The following COLQ variants were observed in gnomAD, a reference collection of about 807,000 sequenced individuals.
The protein encoded by COLQ is acetylcholinesterase collagenic tail peptide.
COLQ carries 48 observed loss-of-function variants against 69.0 expected under a neutral mutation model. The observed-to-expected ratio is 0.70, with a 90% CI of 0.55 to 0.88. The LOEUF (loss-of-function observed/expected upper bound fraction) is 0.88, where lower values mean the gene tolerates loss of function less well. Ranked by LOEUF, COLQ falls within the 40% of genes least tolerant of loss-of-function variation. The pLI, the probability that COLQ is intolerant of heterozygous loss-of-function variation, is 0.00. For synonymous variants in COLQ, 217 were observed against 211.2 expected, an observed-to-expected ratio of 1.03 and a Z score of -0.24; for missense variants, 618 against 594.6, an observed-to-expected ratio of 1.04 and a Z score of -0.41.
intron 11 of COLQ, among the ~76,000 whole-genome samples, chr3:15,467,427 G>A (rs1008429312): frequency 6.6e-6 from 1 of 152,224 alleles, no homozygotes; most frequent in Non-Finnish European, 1.5e-5. Context: ...TGTGGGGCAA[G>A]CCAATTATCA....
At chr3:15,495,521 G>A (rs1268173302) in intron 1 of COLQ, among the ~76,000 whole-genome samples, 1 of 152,176 alleles carries the variant, frequency 6.6e-6, no homozygotes, top group African/African-American at 2.4e-5. Context: ...TTACTTTTGT[G>A]GTTGGATGAT....
chr3:15,461,493 G>A (rs568821980), intron 12 of COLQ, among the ~76,000 whole-genome samples: 2 of 152,108 alleles, frequency 1.3e-5, no homozygotes, highest in African/African-American at 2.4e-5. Flanking sequence ...GGGTTTCATC[G>A]CCACCCCCTG....
Position 15,456,553 on chromosome 3 carries a change from C to A in COLQ, c.981G>T (p.Glu327Asp). The A allele has an allele frequency of 1.1e-5, 18 of 1,614,134 alleles. No homozygotes were observed. Among genetic ancestry groups the A allele is most frequent in the Non-Finnish European group, 1.5e-5 (18 of 1,180,012 alleles). ...PVIFVVNNQE[E>D]LERLNTQNAI... ...CGTTTTGGGTGTTCAGCCTCTCAAG[C>A]TCCTCCTGGTTGTTGACCACAAAAA... is the stretch of plus-strand genomic sequence containing the variant. The change falls in exon 14 of 17, where the codon GAG becomes GAT. Residue 327 changes from glutamate (E) to aspartate (D), a missense_variant. By Grantham distance (45) the Glu-to-Asp change is conservative (BLOSUM62 2). Coordinates refer to ENST00000383788, the MANE Select transcript of COLQ (RefSeq NM_005677.4).
chr3:15,519,046 A>G (rs2063100741), intron 1 of COLQ, among the ~76,000 whole-genome samples: 1 of 152,096 alleles, frequency 6.6e-6, no homozygotes, highest in Non-Finnish European at 1.5e-5. Flanking sequence ...CATTTTTTTA[A>G]AGCTTAAGTT....
At chr3:15,474,167 G>C in intron 9 of COLQ, 61 bp downstream of exon 9, 1 of 1,599,646 alleles carries the variant, frequency 6.3e-7, no homozygotes, top group Non-Finnish European at 8.6e-7. Flanking sequence ...GGATGGGGGT[G>C]GGTGGGGGCT....
intron 10 of COLQ, 61 bp from the exon 11 acceptor site, chr3:15,470,677 A>C: frequency 1.4e-6 from 2 of 1,475,226 alleles, no homozygotes; most frequent in African/African-American, 1.4e-5. Context: ...GCACATCTAC[A>C]CAGGTCTAGC....
rs527273422 is a variant in COLQ, at chr3:15,508,080, T to C, written c.106+13440A>G. 2.1e-4 allele frequency among the ~76,000 whole-genome samples: 32 copies of C among 152,314 alleles called. No individual in the cohort carries two copies. In the South Asian group the frequency reaches 6.4e-3, roughly 31 times the overall value. ...ATGTATAATTATTTTCTTTTATGGTTTCTGGGTTTTTCCAAACACCCAAGT... is the reference window on the plus strand; with the variant it reads ...ATGTATAATTATTTTCTTTTATGGTCTCTGGGTTTTTCCAAACACCCAAGT... On this transcript the variant is annotated intron_variant, in intron 1 of 16. Transcript: ENST00000383788.
chr3:15,483,874 C>T (rs910177048), intron 3 of COLQ, among the ~76,000 whole-genome samples: 94 of 152,184 alleles, frequency 6.2e-4, no homozygotes, highest in African/African-American at 1.7e-3. Context: ...CTCTAAGGAC[C>T]TGCTTTATGA....
At chr3:15,521,422 T>G (rs900399285) in intron 1 of COLQ, 98 bp downstream of exon 1, 13 of 1,515,612 alleles carry the variant, frequency 8.6e-6, no homozygotes, top group Non-Finnish European at 1.1e-5. Context: ...CACCAACAGT[T>G]GAATGGCAAA....
chr3:15,459,327 T>C (rs2125090880), intron 12 of COLQ, among the ~76,000 whole-genome samples: 1 of 152,208 alleles, frequency 6.6e-6, no homozygotes, highest in East Asian at 1.9e-4. Flanking sequence ...ACTGTGAGGG[T>C]AGTACCTTGG....
At chr3:15,488,179 G>C (rs73146167) in intron 3 of COLQ, 27 bp downstream of exon 3, 1 of 1,540,128 alleles carries the variant, frequency 6.5e-7, no homozygotes, top group East Asian at 2.2e-5. Flanking sequence ...AGAAGACAGC[G>C]AGAGGGGTCC....
chr3:15,461,198 G>GCC (rs1424356885), intron 12 of COLQ, among the ~76,000 whole-genome samples: 5 of 145,354 alleles, frequency 3.4e-5, no homozygotes, highest in Non-Finnish European at 6.1e-5. Context: ...TTCCCCCCCC[G>GCC]ACCTCTTAGC....
At chr3:15,490,614 C>T (rs1297276692) in intron 1 of COLQ, among the ~76,000 whole-genome samples, 1 of 152,252 alleles carries the variant, frequency 6.6e-6, no homozygotes, top group Non-Finnish European at 1.5e-5. Context: ...TAGTGTCCCA[C>T]TGAGTGACTA....
At chr3:15,500,689 GTCTT>G (rs2062818339) in intron 1 of COLQ, among the ~76,000 whole-genome samples, 2 of 152,032 alleles carry the variant, frequency 1.3e-5, no homozygotes, top group African/African-American at 2.4e-5. Context: ...TTCTGTCTCT[GTCTT>G]TCTCTGTCTC....
In COLQ at chr3:15,505,127, C is replaced by T. The variant is rs540296290; in HGVS notation, c.107-15490G>A. On this transcript the variant is annotated intron_variant, in intron 1 of 16. Transcript: ENST00000383788. ...GGATTAGGGTTGGGAGTAGGTCAGCCCAACTCCCTTGTTGGCAAATGTCTA... is the reference window on the plus strand; with the variant it reads ...GGATTAGGGTTGGGAGTAGGTCAGCTCAACTCCCTTGTTGGCAAATGTCTA... Among the ~76,000 whole-genome samples the T allele has an allele frequency of 9.9e-5, 15 of 152,252 alleles. No homozygotes were observed. In the South Asian group the frequency reaches 2.5e-3, roughly 25 times the overall value.
chr3:15,521,639 T>A lies in COLQ; in HGVS notation c.-14A>T, dbSNP rs1270802111. 6.2e-7 allele frequency: 1 copy of A among 1,614,098 alleles called. No individual in the cohort carries two copies. Among genetic ancestry groups the A allele is most frequent in the Non-Finnish European group, 8.5e-7 (1 of 1,180,026 alleles). Reference sequence around the variant, plus strand: ...CAGGACAACCATGCTGGCCAGGGTCTGGCGAGGGTCAAGTTAGAAAGGAGG... The same window carrying A: ...CAGGACAACCATGCTGGCCAGGGTCAGGCGAGGGTCAAGTTAGAAAGGAGG... On this transcript the variant is annotated 5_prime_UTR_variant, in exon 1 of 17. Transcript: ENST00000383788.
rs1284407532 is a variant in COLQ, at chr3:15,498,896, T to C, written c.107-9259A>G. 6 of 1,317,176 alleles carry C rather than the reference T, an allele frequency of 4.6e-6. No individual in the cohort carries two copies. In the Admixed American group the frequency reaches 1.9e-4, roughly 42 times the overall value. The allele number at this position is 1,317,176 out of a possible 1,614,324, so 81.6% of individuals were successfully genotyped here. On this transcript the variant is annotated intron_variant, in intron 1 of 16. Transcript: ENST00000383788. ...ATGAGGTTGGGAGCCCAGGGATACT[T>C]ATCCCCCTGCAAGCCAAGAGGAAAT...
chr3:15,479,676 C>T (rs2062443443), intron 3 of COLQ, among the ~76,000 whole-genome samples: 1 of 152,150 alleles, frequency 6.6e-6, no homozygotes, highest in African/African-American at 2.4e-5. Flanking sequence ...TAAAACATCC[C>T]AAGTGCTTGT....
intron 16 of COLQ, among the ~76,000 whole-genome samples, chr3:15,452,542 G>A (rs147954549): frequency 3.9e-5 from 6 of 152,208 alleles, no homozygotes; most frequent in Non-Finnish European, 8.8e-5. Context: ...AGGCTTCTGG[G>A]GAATAGCTGT....
Sources: gnomAD v4.1 joint callset for allele counts (sites outside exome capture counted in the v4.1 genomes callset) on GRCh38, gnomAD v4.1.1 for gene constraint, MANE v1.5 for transcripts, NCBI Gene and HGNC (gene_info 2026-07-23, HGNC 2026-07-21) for gene names.